Variants in RSPRY1 observed in about 807,000 individuals in gnomAD.
RSPRY1 encodes the protein ring finger and SPRY domain containing 1.
RSPRY1 carries 23 observed loss-of-function variants against 73.1 expected under a neutral mutation model. That is an observed-to-expected ratio of 0.31 (90% CI 0.23 to 0.45). RSPRY1 has a LOEUF of 0.45. RSPRY1 is among the 20% of genes least tolerant of loss of function. The pLI is 1.00. For missense variants in RSPRY1, 448 were observed against 698.7 expected (o/e 0.64, Z 4.05); for synonymous variants, 226 against 251.4 (o/e 0.90, Z 0.95).
At chr16:57,235,603 A>C (rs564233694) in intron 14 of RSPRY1, among the ~76,000 whole-genome samples, 1 of 152,352 alleles carries the variant, frequency 6.6e-6, no homozygotes, top group South Asian at 2.1e-4. Flanking sequence ...AGATGAACTC[A>C]GAGGGCAGCC....
intron 4 of RSPRY1, among the ~76,000 whole-genome samples, chr16:57,209,912 G>A (rs556258735): frequency 4.0e-4 from 61 of 152,276 alleles, no homozygotes; most frequent in Non-Finnish European, 7.8e-4. Context: ...CTGGGCTCAA[G>A]CAGTCAGCCC....
intron 1 of RSPRY1, among the ~76,000 whole-genome samples, chr16:57,189,512 A>AAG (rs1175544377): frequency 1.3e-5 from 2 of 152,068 alleles, no homozygotes; most frequent in African/African-American, 4.8e-5. Flanking sequence ...GCTAAAAAAA[A>AAG]AAAAAGTGTG....
At chr16:57,210,583 A>G (rs748008831) in intron 4 of RSPRY1, among the ~76,000 whole-genome samples, 3 of 152,022 alleles carry the variant, frequency 2.0e-5, no homozygotes, top group African/African-American at 4.8e-5. Context: ...GAGTGGTGGC[A>G]GGCACCTGTA....
rs148783556 is a variant in RSPRY1 at position 57,192,990 on chromosome 16, A to G, written c.-156+6539A>G. 7.6e-3 allele frequency among the ~76,000 whole-genome samples: 1,161 copies of G among 152,310 alleles called. 18 individuals carry two copies. The highest frequency in any genetic ancestry group is 0.026 in the African/African-American group (1,092 of 41,560). ...CTTGGCCTCCCAGAGTGTTGGGATT[A>G]CAGGTGTGAGCCACCATGCCCTGCT... On this transcript the variant is annotated intron_variant, in intron 1 of 14. Coordinates refer to ENST00000394420, the MANE Select transcript of RSPRY1 (RefSeq NM_133368.3).
chr16:57,188,604 C>T (rs1159173558), intron 1 of RSPRY1, among the ~76,000 whole-genome samples: 1 of 152,164 alleles, frequency 6.6e-6, no homozygotes, highest in African/African-American at 2.4e-5. Flanking sequence ...GCAACCTCCG[C>T]CTCCTGGGTT....
Position 57,220,717 on chromosome 16 carries a change from CTCTT to C in RSPRY1, c.902-9_902-6del. 1.3e-6 allele frequency: 2 copies of C among 1,545,222 alleles called. No individual in the cohort carries two copies. Among genetic ancestry groups the C allele is most frequent in the Non-Finnish European group, 1.8e-6 (2 of 1,117,700 alleles). On this transcript the variant is annotated splice_polypyrimidine_tract_variant and intron_variant, in intron 8 of 14. Transcript: ENST00000394420. ...GCAGCCTGCCTTAGAAACATGAACA[CTCTT>C]TCTTTTGCAGTTTTAAAAGAAGGTA...
chr16:57,212,964 T>A lies in RSPRY1; in HGVS notation c.517-8T>A. ...TGGGTCAAACCCACTTGTACTTTTT[T>A]GTTTTAGGATGCACTCCAGAAATTG... is the stretch of plus-strand genomic sequence containing the variant. On this transcript the variant is annotated splice_polypyrimidine_tract_variant and splice_region_variant and intron_variant, in intron 4 of 14. Coordinates refer to ENST00000394420, the MANE Select transcript of RSPRY1 (RefSeq NM_133368.3). 6.2e-7 allele frequency: 1 copy of A among 1,613,344 alleles called. No individual in the cohort carries two copies. The highest frequency in any genetic ancestry group is 2.2e-5 in the East Asian group (1 of 44,862).
chr16:57,193,915 CAT>C (rs2074393628), intron 1 of RSPRY1, among the ~76,000 whole-genome samples: 2 of 152,042 alleles, frequency 1.3e-5, no homozygotes, highest in South Asian at 4.1e-4. Flanking sequence ...AAAACACAAA[CAT>C]TAGCTGGGTG....
intron 1 of RSPRY1, among the ~76,000 whole-genome samples, chr16:57,199,488 T>C (rs1320558942): frequency 6.6e-6 from 1 of 151,840 alleles, no homozygotes; most frequent in Non-Finnish European, 1.5e-5. Flanking sequence ...TGAGACTCCA[T>C]CTCAAAAAAA....
At chr16:57,200,610 C>A (rs1259913204) in intron 1 of RSPRY1, among the ~76,000 whole-genome samples, 2 of 102,312 alleles carry the variant, frequency 2.0e-5, no homozygotes, top group Non-Finnish European at 4.0e-5. Flanking sequence ...TAGGGGCGGC[C>A]GGGCAGAGGC....
chr16:57,227,338 C>T lies in RSPRY1; in HGVS notation c.1162-4C>T. ...CTAATCTTCTGGGCCTTGTCTCTCT[C>T]CAGGAAGGCTACGGCATTGGGGATG... On this transcript the variant is annotated splice_polypyrimidine_tract_variant and splice_region_variant and intron_variant, in intron 10 of 14. Coordinates refer to ENST00000394420, the MANE Select transcript of RSPRY1 (RefSeq NM_133368.3). 6.2e-6 allele frequency: 10 copies of T among 1,608,884 alleles called. No individual in the cohort carries two copies. Among genetic ancestry groups the T allele is most frequent in the Non-Finnish European group, 8.5e-6 (10 of 1,175,324 alleles).
chr16:57,191,157 T>G (rs946506077), intron 1 of RSPRY1, among the ~76,000 whole-genome samples: 2 of 152,198 alleles, frequency 1.3e-5, no homozygotes, highest in Non-Finnish European at 2.9e-5. Context: ...AGTGTTAGTT[T>G]TTTCTTACCC....
chr16:57,221,427 A>G lies in RSPRY1; in HGVS notation c.1161+12A>G. Reference sequence around the variant, plus strand: ...AATTCCTCAATCATGTGAGTACCCTAGAGAACTGTGAAAATGGGAGCAGTG... The same window carrying G: ...AATTCCTCAATCATGTGAGTACCCTGGAGAACTGTGAAAATGGGAGCAGTG... On this transcript the variant is annotated intron_variant, in intron 10 of 14. Coordinates refer to ENST00000394420, the MANE Select transcript of RSPRY1 (RefSeq NM_133368.3). 6.2e-7 allele frequency: 1 copy of G among 1,600,010 alleles called. No individual in the cohort carries two copies. Among genetic ancestry groups the G allele is most frequent in the South Asian group, 1.1e-5 (1 of 88,542 alleles).
chr16:57,220,657 G>A, intron 8 of RSPRY1, 75 bp from the exon 9 acceptor site: 1 of 841,466 alleles, frequency 1.2e-6, no homozygotes, highest in Non-Finnish European at 2.0e-6. Context: ...TTGTCTGATT[G>A]CTGTAGCTGG....
In RSPRY1 at chr16:57,204,902, C is replaced by G; in HGVS notation, c.244C>G (p.Arg82Gly). ...AAGGAGCCAACCACGGGACCCTGTTCGGCCACCAAGGAGGGGCCGAGGACC... is the reference window on the plus strand; with the variant it reads ...AAGGAGCCAACCACGGGACCCTGTTGGGCCACCAAGGAGGGGCCGAGGACC... Reference protein sequence around the residue: ...DTRSQPRDPVRPPRRGRGPHE... With the variant: ...DTRSQPRDPVGPPRRGRGPHE... The change falls in exon 2 of 15, where the codon CGG becomes GGG. Residue 82 changes from arginine to glycine, a missense_variant. By Grantham distance (125) the Arg-to-Gly change is moderately radical. Coordinates refer to ENST00000394420, the MANE Select transcript of RSPRY1 (RefSeq NM_133368.3). The G allele has an allele frequency of 1.9e-6, 3 of 1,614,118 alleles. No individual in the cohort carries two copies. Among genetic ancestry groups the G allele is most frequent in the Non-Finnish European group, 2.5e-6 (3 of 1,180,044 alleles).
intron 2 of RSPRY1, among the ~76,000 whole-genome samples, chr16:57,207,357 A>G (rs1006281255): frequency 6.6e-6 from 1 of 152,126 alleles, no homozygotes; most frequent in Non-Finnish European, 1.5e-5. Context: ...AGAGACCCAC[A>G]ATATGTAAAC....
At chr16:57,193,466 T>G (rs1247934898) in intron 1 of RSPRY1, among the ~76,000 whole-genome samples, 2 of 150,974 alleles carry the variant, frequency 1.3e-5, no homozygotes, top group African/African-American at 4.9e-5. Context: ...GTAAGAAGAT[T>G]GTGGTCTTTG....
intron 4 of RSPRY1, among the ~76,000 whole-genome samples, chr16:57,211,816 G>C (rs2074849218): frequency 6.6e-6 from 1 of 151,394 alleles, no homozygotes; most frequent in Non-Finnish European, 1.5e-5. Flanking sequence ...CTGGGCTCAA[G>C]CATCCTCCCA....
rs557875143 is a variant in RSPRY1 at position 57,190,488 on chromosome 16, A to G, written c.-156+4037A>G. Among the ~76,000 whole-genome samples, 368 of 152,366 alleles carry G rather than the reference A, an allele frequency of 2.4e-3. 3 individuals are homozygous for G. Among genetic ancestry groups the G allele is most frequent in the African/African-American group, 8.2e-3 (342 of 41,580 alleles). On this transcript the variant is annotated intron_variant, in intron 1 of 14. Transcript: ENST00000394420. ...AAATGGGAAACACAGTGGAACCAGC[A>G]ATCTATTTCAAAAGAATTATTTGGG...
Sources: allele counts gnomAD v4.1 joint callset (sites outside exome capture counted in the v4.1 genomes callset), GRCh38; gene constraint gnomAD v4.1.1; transcripts MANE v1.5; gene names NCBI Gene and HGNC (gene_info 2026-07-23, HGNC 2026-07-21).